RUSF1: variants seen among roughly 807,000 people sequenced by gnomAD.
The protein encoded by RUSF1 is RUS family member 1, also known as RUS1 family protein C16orf58.
Under a neutral mutation model 63.0 loss-of-function variants are expected in RUSF1, and 58 were observed. The ratio of observed to expected loss-of-function variants is 0.92; its 90% confidence interval spans 0.75 to 1.15. RUSF1 has a LOEUF of 1.15. Among genes scored for constraint, RUSF1 ranks in the 50% most tolerant of loss-of-function variants. The probability of loss-of-function intolerance (pLI) is 0.00; values close to 1 mark genes in which losing one functional copy is unlikely to be tolerated. For missense variants in RUSF1, 652 were observed against 611.0 expected (o/e 1.07, Z -0.71); for synonymous variants, 274 against 255.8 (o/e 1.07, Z -0.68).
Position 31,490,277 on chromosome 16 carries a change from C to T in RUSF1, c.*558G>A. 6.2e-7 allele frequency: 1 copy of T among 1,613,776 alleles called. No individual in the cohort carries two copies. The highest frequency in any genetic ancestry group is 8.5e-7 in the Non-Finnish European group (1 of 1,179,890). On this transcript the variant is annotated 3_prime_UTR_variant, in exon 13 of 13. Transcript: ENST00000327237. ...TGGGGCTGGAGGAGCTGAGTTCCCG[C>T]AAACTAACTGCAGGGCCTCAATTTC...
At position 31,500,734 on chromosome 16, in the gene RUSF1, G is replaced by C. The variant is rs1173983328; in HGVS notation, c.416-3C>G. 6.2e-7 allele frequency: 1 copy of C among 1,612,156 alleles called. No individual in the cohort carries two copies. The highest frequency in any genetic ancestry group is 1.7e-5 in the Admixed American group (1 of 59,866). On this transcript the variant is annotated splice_region_variant and splice_polypyrimidine_tract_variant and intron_variant, in intron 2 of 12. Transcript: ENST00000327237. ...GCGGCCCAGCATGCCAGTTGAATCT[G>C]GGGGAAAGAAGGCACAGGTAAGGAG... is the stretch of plus-strand genomic sequence containing the variant.
In RUSF1 at chr16:31,490,016, G is replaced by C. The variant is rs2082547445; in HGVS notation, c.*819C>G. The C allele has an allele frequency of 1.3e-6, 2 of 1,562,920 alleles. No homozygotes were observed. The highest frequency in any genetic ancestry group is 1.1e-5 in the South Asian group (1 of 87,508). On this transcript the variant is annotated 3_prime_UTR_variant, in exon 13 of 13. Coordinates refer to ENST00000327237, the MANE Select transcript of RUSF1 (RefSeq NM_022744.4). ...AGACTGGACAGAGGTGGGTAGGGCAGGCAGTGACGAGCTGGTGTGCAAGAG... is the reference window on the plus strand; with the variant it reads ...AGACTGGACAGAGGTGGGTAGGGCACGCAGTGACGAGCTGGTGTGCAAGAG...
chr16:31,490,672 TG>T lies in RUSF1; in HGVS notation c.*162del. 1 of 1,069,916 alleles carries T rather than the reference TG, an allele frequency of 9.3e-7. No homozygotes were observed. The highest frequency in any genetic ancestry group is 1.4e-6 in the Non-Finnish European group (1 of 710,922). The allele number at this position is 1,069,916 out of a possible 1,614,324, so 66.3% of individuals were successfully genotyped here. A position where few individuals can be genotyped will look rare whatever the true frequency, so the allele number is the denominator to read the frequency against. ...CCCCTTCTCCCGGCCTTCCTCTGCC[TG>T]GGGCCCACTGCATCTGATTGGCAGT... On this transcript the variant is annotated 3_prime_UTR_variant, in exon 13 of 13. Transcript: ENST00000327237.
Position 31,489,903 on chromosome 16 carries a change from C to A in RUSF1, c.*932G>T, listed in dbSNP as rs1352239893. Reference sequence around the variant, plus strand: ...GGAGCAAGGCCAACGGCTTTAAACACAAGCTCAGGGGCTTGGGGTTTATCC... The same window carrying A: ...GGAGCAAGGCCAACGGCTTTAAACAAAAGCTCAGGGGCTTGGGGTTTATCC... On this transcript the variant is annotated 3_prime_UTR_variant, in exon 13 of 13. Coordinates refer to ENST00000327237, the MANE Select transcript of RUSF1 (RefSeq NM_022744.4). 4 of 668,408 alleles carry A rather than the reference C, an allele frequency of 6.0e-6. No individual in the cohort carries two copies. The highest frequency in any genetic ancestry group is 1.0e-5 in the Non-Finnish European group (4 of 382,546). 41.4% of individuals were successfully genotyped at this position (668,408 alleles called of 1,614,324 possible). A position where few individuals can be genotyped will look rare whatever the true frequency, so the allele number is the denominator to read the frequency against.
intron 6 of RUSF1, among the ~76,000 whole-genome samples, chr16:31,496,407 G>A (rs542076784): frequency 3.9e-5 from 6 of 152,282 alleles, no homozygotes; most frequent in East Asian, 1.9e-4. Flanking sequence ...TAATCCATGC[G>A]GAGTTCAGCC....
At chr16:31,496,010 G>C (rs1026616106) in intron 6 of RUSF1, among the ~76,000 whole-genome samples, 2 of 152,138 alleles carry the variant, frequency 1.3e-5, no homozygotes, top group Non-Finnish European at 2.9e-5. Context: ...TCACACTTCT[G>C]GGACTTCCCT....
chr16:31,497,062 G>A, intron 5 of RUSF1, 112 bp from the exon 6 acceptor site: 1 of 817,172 alleles, frequency 1.2e-6, no homozygotes, highest in Non-Finnish European at 1.9e-6. Flanking sequence ...TGCTGTCCTT[G>A]GCATCTAGTT....
rs1199203379 is a variant in RUSF1, at chr16:31,490,470, G to A, written c.*365C>T. ...CAGCGAGGACCCGAGCTGGGCCCGT[G>A]TGGTCAACCTCAATGCCCTGCTCAT... On this transcript the variant is annotated 3_prime_UTR_variant, in exon 13 of 13. Coordinates refer to ENST00000327237, the MANE Select transcript of RUSF1 (RefSeq NM_022744.4). 1 of 1,614,030 alleles carries A rather than the reference G, an allele frequency of 6.2e-7. No homozygotes were observed. Among genetic ancestry groups the A allele is most frequent in the Non-Finnish European group, 8.5e-7 (1 of 1,180,010 alleles).
At position 31,508,288 on chromosome 16, in the gene RUSF1, T is replaced by G. The variant is rs752172544; in HGVS notation, c.86A>C (p.Asp29Ala). ...GEARGCRAAA[D>A]GSLQWEVGGW... ...CCCGACCTCCCACTGCAGGCTCCCG[T>G]CCGCGGCGGCGCGGCAGCCCCGTGC... is the stretch of plus-strand genomic sequence containing the variant. Residue 29 changes from aspartate to alanine, a missense_variant, in exon 1 of 13, where the codon GAC (aspartate) becomes GCC (alanine). Coordinates refer to ENST00000327237, the MANE Select transcript of RUSF1 (RefSeq NM_022744.4). 43 of 1,575,054 alleles carry G rather than the reference T, an allele frequency of 2.7e-5. No homozygotes were observed. In the South Asian group the frequency reaches 5.0e-4, roughly 18 times the overall value.
At chr16:31,493,135 T>A in intron 9 of RUSF1, 87 bp from the exon 10 acceptor site, 1 of 1,366,356 alleles carries the variant, frequency 7.3e-7, no homozygotes, top group Non-Finnish European at 1.0e-6. Context: ...CCCAGTGAAC[T>A]GAAATGATCC....
At chr16:31,502,542 A>C (rs558275958) in intron 2 of RUSF1, among the ~76,000 whole-genome samples, 10 of 152,324 alleles carry the variant, frequency 6.6e-5, no homozygotes, top group Admixed American at 2.6e-4. Context: ...CTCTGGAAGA[A>C]CCTGAAGATA....
intron 2 of RUSF1, among the ~76,000 whole-genome samples, chr16:31,506,416 G>A (rs1596632452): frequency 6.6e-6 from 1 of 152,202 alleles, no homozygotes; most frequent in African/African-American, 2.4e-5. Flanking sequence ...TATTCAATCT[G>A]TATAGGCAAC....
intron 6 of RUSF1, among the ~76,000 whole-genome samples, chr16:31,496,645 C>T (rs943475695): frequency 1.3e-5 from 2 of 149,758 alleles, no homozygotes; most frequent in African/African-American, 2.6e-5. Flanking sequence ...TTGCTCTCAG[C>T]CACACAGGTG....
Position 31,490,843 on chromosome 16 carries a change from C to A in RUSF1, c.1399G>T (p.Val467Phe). The A allele has an allele frequency of 6.2e-7, 1 of 1,614,218 alleles. No homozygotes were observed. Among genetic ancestry groups the A allele is most frequent in the Non-Finnish European group, 8.5e-7 (1 of 1,180,040 alleles). Residue 467 changes from valine (V) to phenylalanine (F), a missense_variant, in exon 13 of 13, where the codon GTC becomes TTC. Physicochemically the swap from Val to Phe is conservative, Grantham distance 50. Coordinates refer to ENST00000327237, the MANE Select transcript of RUSF1 (RefSeq NM_022744.4). Reference sequence around the variant, plus strand: ...GCCTCCGTCTGGGCTGCTCACAAGACCTTCTTTTCGGGAGACAGAAGCCAT... The same window carrying A: ...GCCTCCGTCTGGGCTGCTCACAAGAACTTCTTTTCGGGAGACAGAAGCCAT... ...ATWLLSPEKK[V>F]L
chr16:31,492,282 G>A lies in RUSF1; in HGVS notation c.1146C>T (p.Ala382=), dbSNP rs1310901811. The A allele has an allele frequency of 1.9e-6, 3 of 1,612,466 alleles. No homozygotes were observed. Among genetic ancestry groups the A allele is most frequent in the East Asian group, 2.2e-5 (1 of 44,876 alleles). The change falls in exon 11 of 13, where the codon GCC becomes GCT. Residue 382 remains alanine, a synonymous_variant. Coordinates refer to ENST00000327237, the MANE Select transcript of RUSF1 (RefSeq NM_022744.4). ...GGGCCCCAAGCATCAGCCCATGTGT[G>A]GCGGCCCTTAGGATGGTCTTGGGGC... ...KAGPKTILRA[A]THGLMLGALQ...
chr16:31,492,788 C>T (rs979292546), intron 10 of RUSF1, among the ~76,000 whole-genome samples, 190 bp downstream of exon 10: 3 of 152,226 alleles, frequency 2.0e-5, no homozygotes, highest in Non-Finnish European at 4.4e-5. Context: ...AAGGCAGGTA[C>T]TGTTAGCTCT....
Position 31,499,536 on chromosome 16 carries a change from GGA to G in RUSF1, c.462-13_462-12del, listed in dbSNP as rs1011039573. 6.3e-6 allele frequency: 10 copies of G among 1,599,192 alleles called. No homozygotes were observed. The highest frequency in any genetic ancestry group is 8.5e-6 in the Non-Finnish European group (10 of 1,172,788). On this transcript the variant is annotated splice_polypyrimidine_tract_variant and intron_variant, in intron 3 of 12. Coordinates refer to ENST00000327237, the MANE Select transcript of RUSF1 (RefSeq NM_022744.4). Reference sequence around the variant, plus strand: ...CAGTCCAGTTTGCTCCTGTTGGGGAGGAGAGGTTGTTGTAATTTGGACTTAAG... The same window carrying G: ...CAGTCCAGTTTGCTCCTGTTGGGGAGGAGGTTGTTGTAATTTGGACTTAAG...
In RUSF1 at chr16:31,489,521, TG is replaced by T. The variant is rs1405569627; in HGVS notation, c.*1313del. The T allele has an allele frequency of 1.5e-6, 1 of 647,542 alleles. No individual in the cohort carries two copies. The highest frequency in any genetic ancestry group is 1.8e-5 in the African/African-American group (1 of 55,604). 40.1% of individuals were successfully genotyped at this position (647,542 alleles called of 1,614,324 possible). ...TTAAATACATTTATTTGAACCGGCCTGGGGGAGGCTTGATGTTGATGGGTTG... is the reference window on the plus strand; with the variant it reads ...TTAAATACATTTATTTGAACCGGCCTGGGGAGGCTTGATGTTGATGGGTTG... On this transcript the variant is annotated 3_prime_UTR_variant, in exon 13 of 13. Coordinates refer to ENST00000327237, the MANE Select transcript of RUSF1 (RefSeq NM_022744.4).
chr16:31,491,002 C>T, intron 12 of RUSF1, 70 bp from the exon 13 acceptor site: 3 of 1,491,688 alleles, frequency 2.0e-6, no homozygotes, highest in South Asian at 1.1e-5. Context: ...AGGCTGGGTG[C>T]AGGCTTTGTG....
Sources: allele counts gnomAD v4.1 joint callset (sites outside exome capture counted in the v4.1 genomes callset), GRCh38; gene constraint gnomAD v4.1.1; transcripts MANE v1.5; gene names NCBI Gene and HGNC (gene_info 2026-07-23, HGNC 2026-07-21).